STAU2: variants seen among roughly 807,000 people sequenced by gnomAD.
STAU2 encodes the protein staufen double-stranded RNA binding protein 2, also known as double-stranded RNA-binding protein Staufen homolog 2.
STAU2 carries 20 observed loss-of-function variants against 65.9 expected under a neutral mutation model. The ratio of observed to expected loss-of-function variants is 0.30; its 90% CI spans 0.21 to 0.44. The LOEUF is 0.44. STAU2 is among the 20% of genes least tolerant of loss of function. The probability of loss-of-function intolerance (pLI) is 1.00; values close to 1 mark genes in which losing one functional copy is unlikely to be tolerated. For missense variants in STAU2, 558 were observed against 683.9 expected (o/e 0.82, Z 2.05); for synonymous variants, 232 against 233.9 (o/e 0.99, Z 0.07).
intron 13 of STAU2, among the ~76,000 whole-genome samples, chr8:73,526,528 GAAGAA>G (rs1805469998): frequency 1.3e-5 from 2 of 152,308 alleles, no homozygotes; most frequent in African/African-American, 4.8e-5. Context: ...TAGTGAGATA[GAAGAA>G]AAGAAGATTA....
intron 6 of STAU2, among the ~76,000 whole-genome samples, chr8:73,664,878 G>A (rs572211912): frequency 3.0e-4 from 46 of 152,174 alleles, no homozygotes; most frequent in African/African-American, 1.1e-3. Context: ...TGTAGTCCCA[G>A]GTACTCGGGA....
In STAU2 at chr8:73,603,859, C is replaced by A; in HGVS notation, c.896G>T (p.Gly299Val). Residue 299 changes from glycine to valine, a missense_variant, in exon 10 of 15, where the codon GGA becomes GTA. Transcript: ENST00000524300. ...KKRPKTIVKA[G>V]PEYGQGMNPI... The stretch of plus-strand genomic sequence containing the variant: ...GTTCATCCCTTGGCCATATTCTGGT[C>A]CGGCCTAAAAATTAATTTAAGAAAA... 1.9e-6 allele frequency: 3 copies of A among 1,585,600 alleles called. No homozygotes were observed. The highest frequency in any genetic ancestry group is 1.4e-5 in the African/African-American group (1 of 73,134).
At chr8:73,729,192 G>C (rs1198051563) in intron 3 of STAU2, among the ~76,000 whole-genome samples, 1 of 152,180 alleles carries the variant, frequency 6.6e-6, no homozygotes, top group Non-Finnish European at 1.5e-5. Context: ...TCACGTGGGG[G>C]TTTTCCCCGC....
intron 6 of STAU2, among the ~76,000 whole-genome samples, chr8:73,633,847 G>T (rs1814288486): frequency 6.6e-6 from 1 of 152,022 alleles, no homozygotes. Flanking sequence ...CAGGCGTGGT[G>T]GTGGGTGCCT....
rs965741036 is a variant in STAU2 at position 73,701,721 on chromosome 8, C to T, written c.114+7311G>A. ...GAACTACCATGCAATCCAGCAATCC[C>T]GCTGCTGGGTATATTCCCAAAAGAA... On this transcript the variant is annotated intron_variant, in intron 4 of 14. Transcript: ENST00000524300. Among the ~76,000 whole-genome samples, 3 of 152,204 alleles carry T rather than the reference C, an allele frequency of 2.0e-5. No homozygotes were observed. In the South Asian group the frequency reaches 6.2e-4, roughly 32 times the overall value.
At chr8:73,539,033 T>C (rs1342612836) in intron 13 of STAU2, among the ~76,000 whole-genome samples, 1 of 152,164 alleles carries the variant, frequency 6.6e-6, no homozygotes, top group Non-Finnish European at 1.5e-5. Context: ...ACACAGAATT[T>C]GATGGAGAGT....
chr8:73,524,289 A>C (rs1401309545), intron 13 of STAU2, among the ~76,000 whole-genome samples: 2 of 152,176 alleles, frequency 1.3e-5, no homozygotes, highest in Non-Finnish European at 2.9e-5. Flanking sequence ...CTGAGCAACA[A>C]GGTAATGATG....
chr8:73,554,948 T>A (rs549157965), intron 12 of STAU2, among the ~76,000 whole-genome samples: 2 of 152,372 alleles, frequency 1.3e-5, no homozygotes, highest in African/African-American at 4.8e-5. Flanking sequence ...TCTTTATTTC[T>A]ATTGTTCGGT....
chr8:73,517,158 T>C (rs1822781742), intron 13 of STAU2, among the ~76,000 whole-genome samples: 1 of 152,154 alleles, frequency 6.6e-6, no homozygotes, highest in South Asian at 2.1e-4. Flanking sequence ...GGCTTATGCC[T>C]GTAATCTCAT....
intron 13 of STAU2, among the ~76,000 whole-genome samples, chr8:73,494,780 T>C (rs1427473961): frequency 6.6e-6 from 1 of 151,734 alleles, no homozygotes. Context: ...TGTAAGCCAC[T>C]TGTATTGTAA....
At chr8:73,475,225 T>G (rs950528688) in intron 13 of STAU2, among the ~76,000 whole-genome samples, 2 of 152,134 alleles carry the variant, frequency 1.3e-5, no homozygotes, top group African/African-American at 2.4e-5. Context: ...ATACATTAAA[T>G]GTACACTGAT....
At chr8:73,677,578 A>T (rs1366985860) in intron 5 of STAU2, among the ~76,000 whole-genome samples, 1 of 152,200 alleles carries the variant, frequency 6.6e-6, no homozygotes, top group Admixed American at 6.5e-5. Context: ...GAGCTATCAC[A>T]AGAGTCTACT....
At chr8:73,449,407 T>C (rs1021177773) in intron 13 of STAU2, among the ~76,000 whole-genome samples, 31 of 152,232 alleles carry the variant, frequency 2.0e-4, no homozygotes, top group African/African-American at 7.0e-4. Context: ...ACCAGGCAGA[T>C]TGGATTGGGG....
intron 13 of STAU2, among the ~76,000 whole-genome samples, chr8:73,461,439 G>A (rs1308621742): frequency 1.3e-5 from 2 of 152,180 alleles, no homozygotes; most frequent in East Asian, 3.9e-4. Context: ...AATGATACCT[G>A]AGCTATGCTT....
chr8:73,618,029 A>G (rs1315364454), intron 6 of STAU2, among the ~76,000 whole-genome samples: 3 of 152,230 alleles, frequency 2.0e-5, no homozygotes, highest in Non-Finnish European at 2.9e-5. Context: ...AAGCTGCAAT[A>G]ATGCAGATAT....
At chr8:73,478,481 A>G (rs1028659598) in intron 13 of STAU2, among the ~76,000 whole-genome samples, 3 of 142,564 alleles carry the variant, frequency 2.1e-5, no homozygotes, top group Admixed American at 7.3e-5. Context: ...TGCTCTAAAA[A>G]TAGTTTTTTT....
intron 6 of STAU2, among the ~76,000 whole-genome samples, chr8:73,619,118 T>C (rs963597636): frequency 6.6e-6 from 1 of 152,098 alleles, no homozygotes; most frequent in Non-Finnish European, 1.5e-5. Context: ...CATCAGTATA[T>C]AGGTGGTATT....
chr8:73,452,233 TTCTC>T lies in STAU2; in HGVS notation c.1531-29535_1531-29532del, dbSNP rs143950760. ...TTATCCACTGCCTCTTCTCTAACTC[TTCTC>T]TCTCTCTCTCCCTATCATGACACCC... On this transcript the variant is annotated intron_variant, in intron 13 of 14. Coordinates refer to ENST00000524300, the MANE Select transcript of STAU2 (RefSeq NM_001164380.2). Among the ~76,000 whole-genome samples the T allele has an allele frequency of 7.8e-4, 119 of 151,840 alleles. 1 individual carries two copies. Among genetic ancestry groups the T allele is most frequent in the Non-Finnish European group, 1.4e-3 (92 of 67,892 alleles).
At chr8:73,534,141 T>C (rs1013130682) in intron 13 of STAU2, among the ~76,000 whole-genome samples, 2 of 152,134 alleles carry the variant, frequency 1.3e-5, no homozygotes, top group Admixed American at 6.5e-5. Flanking sequence ...AACTGTGGAG[T>C]TGACTTCACA....
Sources: gnomAD v4.1 joint callset for allele counts (sites outside exome capture counted in the v4.1 genomes callset) on GRCh38, gnomAD v4.1.1 for gene constraint, MANE v1.5 for transcripts, NCBI Gene and HGNC (gene_info 2026-07-23, HGNC 2026-07-21) for gene names.